Variants in EPM2A observed in about 807,000 individuals in gnomAD.
EPM2A encodes the protein laforin.
A neutral mutation model predicts 26.5 loss-of-function variants in EPM2A; 21 were observed. That is an observed-to-expected ratio of 0.79 (90% CI 0.56 to 1.14). The LOEUF (loss-of-function observed/expected upper bound fraction) is 1.14, where lower values mean the gene tolerates loss of function less well. Ranked by LOEUF, EPM2A falls within the 50% of genes most tolerant of loss-of-function variation. The pLI is 0.00. For synonymous variants in EPM2A, 217 were observed against 177.6 expected (o/e 1.22, Z -1.76); for missense variants, 458 against 440.8 (o/e 1.04, Z -0.35).
At chr6:145,706,764 A>G (rs555286823) in intron 1 of EPM2A, among the ~76,000 whole-genome samples, 2 of 152,340 alleles carry the variant, frequency 1.3e-5, no homozygotes, top group African/African-American at 4.8e-5. Flanking sequence ...TTTATATTGT[A>G]TAATTGCTTG....
chr6:145,516,707 T>C (rs1316469052), intron 2 of EPM2A, among the ~76,000 whole-genome samples: 2 of 152,126 alleles, frequency 1.3e-5, no homozygotes, highest in African/African-American at 4.8e-5. Flanking sequence ...AGACCTTGGA[T>C]CTCAAGAGGA....
rs533920983 is a variant in EPM2A, at chr6:145,490,106, A to G, written c.555+12416T>C. The stretch of plus-strand genomic sequence containing the variant: ...CACACGCACCTTCCCAATTTGTTAT[A>G]TAATAGTCATTGATATGTCACAGGT... On this transcript the variant is annotated intron_variant, in intron 4 of 4. Coordinates refer to the EPM2A transcript ENST00000638717. The G allele has an allele frequency of 1.1e-5, 14 of 1,224,004 alleles. No individual in the cohort carries two copies. The South Asian group carries it at 1.4e-4, about 13-fold the overall frequency. The allele number at this position is 1,224,004 out of a possible 1,614,324, so 75.8% of individuals were successfully genotyped here. A position where few individuals can be genotyped will look rare whatever the true frequency, so the allele number is the denominator to read the frequency against.
chr6:145,695,916 G>A (rs184456532), intron 1 of EPM2A, among the ~76,000 whole-genome samples: 33 of 152,098 alleles, frequency 2.2e-4, no homozygotes, highest in African/African-American at 7.9e-4. Context: ...GGAAACATTG[G>A]ACTTTAATTA....
At chr6:145,398,676 A>G (rs541825945) in intron 4 of EPM2A, among the ~76,000 whole-genome samples, 1 of 152,058 alleles carries the variant, frequency 6.6e-6, no homozygotes, top group East Asian at 1.9e-4. Flanking sequence ...CCTCACCAAC[A>G]TGGCGAAACC....
intron 4 of EPM2A, among the ~76,000 whole-genome samples, chr6:145,447,806 TCA>T (rs1779145303): frequency 6.6e-6 from 1 of 152,066 alleles, no homozygotes; most frequent in African/African-American, 2.4e-5. Flanking sequence ...CAAAAAATAC[TCA>T]GAGGAATAAT....
intron 2 of EPM2A, among the ~76,000 whole-genome samples, chr6:145,541,652 C>G (rs1305559554): frequency 6.6e-6 from 1 of 151,920 alleles, no homozygotes; most frequent in African/African-American, 2.4e-5. Flanking sequence ...ATTGTGGATA[C>G]TAAAGAGATG....
intron 2 of EPM2A, among the ~76,000 whole-genome samples, chr6:145,610,220 A>G (rs1775364169): frequency 6.6e-6 from 1 of 152,102 alleles, no homozygotes; most frequent in Non-Finnish European, 1.5e-5. Flanking sequence ...TCTCAAAAAA[A>G]AAAAAAAAAA....
At chr6:145,387,355 G>A (rs1014381115) in intron 4 of EPM2A, among the ~76,000 whole-genome samples, 12 of 152,118 alleles carry the variant, frequency 7.9e-5, no homozygotes, top group Admixed American at 6.6e-4. Context: ...TCCTCAACAG[G>A]GATTAAAGAG....
chr6:145,697,668 C>T (rs1175052945), intron 1 of EPM2A, among the ~76,000 whole-genome samples: 1 of 152,118 alleles, frequency 6.6e-6, no homozygotes, highest in Non-Finnish European at 1.5e-5. Flanking sequence ...CAGGGGTGTT[C>T]CTTGCTGAGA....
At chr6:145,514,584 A>C (rs1300604550) in intron 2 of EPM2A, among the ~76,000 whole-genome samples, 3 of 152,200 alleles carry the variant, frequency 2.0e-5, no homozygotes, top group Non-Finnish European at 4.4e-5. Context: ...TTGCCTGGAA[A>C]CTAGACTCAA....
chr6:145,472,829 G>C (rs1012380186), intron 4 of EPM2A, among the ~76,000 whole-genome samples: 1 of 152,170 alleles, frequency 6.6e-6, no homozygotes, highest in Non-Finnish European at 1.5e-5. Flanking sequence ...AAGAACCACA[G>C]TGTTACTGGG....
chr6:145,473,225 C>G (rs1462814279), intron 4 of EPM2A, among the ~76,000 whole-genome samples: 1 of 151,098 alleles, frequency 6.6e-6, no homozygotes, highest in East Asian at 2.0e-4. Flanking sequence ...GAAAAAAAAT[C>G]ACGTAGAAAT....
At chr6:145,500,380 A>G (rs921207322), downstream of EPM2A, among the ~76,000 whole-genome samples, 3 of 152,228 alleles carry the variant, frequency 2.0e-5, no homozygotes, top group African/African-American at 7.2e-5. Context: ...AAAGGAAACT[A>G]CTTGGAAGTA....
intron 1 of EPM2A, 51 bp downstream of exon 1, chr6:145,735,147 G>A: frequency 2.2e-6 from 3 of 1,380,424 alleles, no homozygotes; most frequent in Non-Finnish European, 2.9e-6. Context: ...GGTTGGGGGT[G>A]CGGGCCGGAG....
At chr6:145,463,793 G>A (rs1239035198) in intron 4 of EPM2A, among the ~76,000 whole-genome samples, 1 of 152,120 alleles carries the variant, frequency 6.6e-6, no homozygotes, top group African/African-American at 2.4e-5. Flanking sequence ...GCACTAGAAA[G>A]ACTGCACGTT....
chr6:145,723,957 A>G (rs1456283698), intron 1 of EPM2A, among the ~76,000 whole-genome samples: 1 of 152,194 alleles, frequency 6.6e-6, no homozygotes, highest in Non-Finnish European at 1.5e-5. Context: ...AAAATTTCTG[A>G]AAATTGTAAG....
intron 4 of EPM2A, among the ~76,000 whole-genome samples, chr6:145,453,322 A>T (rs921380474): frequency 2.0e-5 from 3 of 152,208 alleles, no homozygotes; most frequent in Admixed American, 2.0e-4. Flanking sequence ...GTGGGGGGAA[A>T]AAAGATTCTC....
chr6:145,548,827 C>G (rs188029868), intron 2 of EPM2A, among the ~76,000 whole-genome samples: 1 of 152,204 alleles, frequency 6.6e-6, no homozygotes, highest in African/African-American at 2.4e-5. Flanking sequence ...CTAATACATA[C>G]GTCTGCACTT....
chr6:145,700,882 CA>C (rs996538382), intron 1 of EPM2A, among the ~76,000 whole-genome samples: 1 of 152,134 alleles, frequency 6.6e-6, no homozygotes, highest in African/African-American at 2.4e-5. Flanking sequence ...AGTTCTGCTG[CA>C]AAAACCATCC....
Sources: gnomAD v4.1 joint callset for allele counts (sites outside exome capture counted in the v4.1 genomes callset) on GRCh38, gnomAD v4.1.1 for gene constraint, MANE v1.5 for transcripts, NCBI Gene and HGNC (gene_info 2026-07-23, HGNC 2026-07-21) for gene names.